RIMKLB: variants seen among roughly 807,000 people sequenced by gnomAD.
RIMKLB encodes beta-citrylglutamate synthase B.
A neutral mutation model predicts 32.0 loss-of-function variants in RIMKLB; 7 were observed. That is an observed-to-expected ratio of 0.22 (90% CI 0.12 to 0.41). The LOEUF (loss-of-function observed/expected upper bound fraction) is 0.41, where lower values mean the gene tolerates loss of function less well. Ranked by LOEUF, RIMKLB falls within the 10% of genes least tolerant of loss-of-function variation. The probability of loss-of-function intolerance (pLI) is 1.00; values close to 1 mark genes in which losing one functional copy is unlikely to be tolerated. For synonymous variants in RIMKLB, 172 were observed against 185.1 expected (o/e 0.93, Z 0.57); for missense variants, 289 against 498.7 (o/e 0.58, Z 4.00).
At chr12:8,721,758 T>TG (rs995348433) in intron 2 of RIMKLB, among the ~76,000 whole-genome samples, 4 of 152,318 alleles carry the variant, frequency 2.6e-5, no homozygotes, top group African/African-American at 9.6e-5. Flanking sequence ...TTTTGTTTTT[T>TG]TTTGAGATGG....
At chr12:8,770,018 CT>C (rs34492795) in intron 5 of RIMKLB, among the ~76,000 whole-genome samples, 86,642 of 150,768 alleles carry the variant, frequency 0.57, 25,069 homozygotes, top group African/African-American at 0.63. Flanking sequence ...GTTGCCCAGG[CT>C]TGGAGTGCAA....
In RIMKLB at chr12:8,757,271, C is replaced by A. The variant is rs1949120404; in HGVS notation, c.697+3178C>A. On this transcript the variant is annotated intron_variant, in intron 5 of 5. Coordinates refer to ENST00000535829, the MANE Select transcript of RIMKLB (RefSeq NM_001297776.2). ...GTGCTGTGGCTCAGTCCTGTAGTCC[C>A]CCACCCAACACTTTGGGATGCCGAG... Among the ~76,000 whole-genome samples the A allele has an allele frequency of 2.6e-5, 4 of 151,794 alleles. No individual in the cohort carries two copies. In the South Asian group the frequency reaches 8.3e-4, roughly 32 times the overall value.
intron 1 of RIMKLB, among the ~76,000 whole-genome samples, chr12:8,708,725 A>G (rs928213911): frequency 1.3e-5 from 2 of 152,222 alleles, no homozygotes; most frequent in Non-Finnish European, 2.9e-5. Context: ...TTAAGCAGTG[A>G]AACAAATGTC....
chr12:8,685,228 C>T (rs1324458954), intron 1 of RIMKLB, among the ~76,000 whole-genome samples: 1 of 152,188 alleles, frequency 6.6e-6, no homozygotes, highest in Non-Finnish European at 1.5e-5. Context: ...AGTGGGAAAG[C>T]TTCCAGTTTC....
chr12:8,758,269 C>G (rs1949229960), intron 5 of RIMKLB, among the ~76,000 whole-genome samples: 1 of 149,414 alleles, frequency 6.7e-6, no homozygotes, highest in South Asian at 2.1e-4. Flanking sequence ...GGCTCTTTTT[C>G]TTTTTTTCCT....
intron 2 of RIMKLB, among the ~76,000 whole-genome samples, chr12:8,744,316 C>T (rs1947874119): frequency 6.6e-6 from 1 of 151,900 alleles, no homozygotes; most frequent in Admixed American, 6.6e-5. Context: ...CTAATACCCC[C>T]ATAGTACACT....
rs778010986 is a variant in RIMKLB, at chr12:8,773,503, G to C, written c.880G>C (p.Asp294His). 6.2e-7 allele frequency: 1 copy of C among 1,614,148 alleles called. No individual in the cohort carries two copies. The highest frequency in any genetic ancestry group is 1.3e-5 in the African/African-American group (1 of 74,952). ...CGCCTTTGATAAGGCTTGTAATCTA[G>C]ATGTAGCTGGTATCATAGCAGACTA... ...FIAFDKACNL[D>H]VAGIIADYAA... Residue 294 changes from aspartate (D) to histidine (H), a missense_variant, in exon 6 of 6, where the codon GAT becomes CAT. By Grantham distance (81) the Asp-to-His change is moderately conservative (BLOSUM62 -1). This residue lies in a region of RIMKLB where 99 missense variants were observed against 133.9 expected (regional missense o/e 0.74). Transcript: ENST00000535829.
chr12:8,777,846 T>G (rs750353816), downstream of RIMKLB: 6 of 344,482 alleles, frequency 1.7e-5, no homozygotes, highest in East Asian at 8.2e-4. Flanking sequence ...TAGGCTAACT[T>G]TCTTTTTTTA....
At chr12:8,708,875 TA>T (rs1316429789) in intron 1 of RIMKLB, among the ~76,000 whole-genome samples, 1 of 152,198 alleles carries the variant, frequency 6.6e-6, no homozygotes, top group Admixed American at 6.5e-5. Flanking sequence ...CTCTCAAAAA[TA>T]AACTCTCTTT....
At chr12:8,684,179 T>TC (rs1942498640) in intron 1 of RIMKLB, among the ~76,000 whole-genome samples, 2 of 150,392 alleles carry the variant, frequency 1.3e-5, no homozygotes, top group Non-Finnish European at 2.9e-5. Context: ...CTAAATTTTC[T>TC]CTTTTTTTTT....
At chr12:8,669,887 C>T in the RIMKLB span, among the ~76,000 whole-genome samples, 2 of 151,462 alleles carry the variant, frequency 1.3e-5, no homozygotes, top group Non-Finnish European at 2.9e-5. Flanking sequence ...ATTAGCCGGG[C>T]GTGGTGGCGG....
chr12:8,727,123 T>G (rs910288106), intron 2 of RIMKLB, among the ~76,000 whole-genome samples: 6 of 152,248 alleles, frequency 3.9e-5, no homozygotes, highest in Admixed American at 6.5e-5. Flanking sequence ...TTCTTTTAAG[T>G]GTTATATGTA....
intron 1 of RIMKLB, among the ~76,000 whole-genome samples, chr12:8,709,711 G>A (rs751496612): frequency 1.3e-5 from 2 of 151,986 alleles, no homozygotes; most frequent in African/African-American, 4.8e-5. Flanking sequence ...TTTCAGTTAC[G>A]CCCTGACACA....
chr12:8,687,820 GAAAAAAAA>G (rs752174507), intron 1 of RIMKLB, among the ~76,000 whole-genome samples: 2 of 72,922 alleles, frequency 2.7e-5, no homozygotes, highest in East Asian at 1.2e-3. Flanking sequence ...AAGTCAGGAA[GAAAAAAAA>G]AAAAAAAAAA....
At chr12:8,742,204 C>T (rs1029639565) in intron 2 of RIMKLB, among the ~76,000 whole-genome samples, 2 of 151,760 alleles carry the variant, frequency 1.3e-5, no homozygotes, top group African/African-American at 4.9e-5. Context: ...GGCTGGAGAG[C>T]CTTTTAATAA....
upstream of RIMKLB, chr12:8,679,641 T>C (rs1206079896): frequency 6.6e-6 from 1 of 152,322 alleles, no homozygotes; most frequent in African/African-American, 2.4e-5. Flanking sequence ...GCACAGCAAA[T>C]CCTTGCCTTC....
intron 5 of RIMKLB, among the ~76,000 whole-genome samples, chr12:8,768,105 T>TGG (rs1950116737): frequency 6.6e-6 from 1 of 151,994 alleles, no homozygotes; most frequent in South Asian, 2.1e-4. Flanking sequence ...ATGTGGTGAG[T>TGG]GTTATAGCTC....
rs1433823692 is a variant in RIMKLB, at chr12:8,686,411, C to G, written n.219+4593C>G. On this transcript the variant is annotated intron_variant and non_coding_transcript_variant, in intron 1 of 1. Transcript: ENST00000538758. ...CAAGCAATTCTCCCACTTCCGCCTC[C>G]CCACCACAGACGCGTGACACCATGA... Among the ~76,000 whole-genome samples the G allele has an allele frequency of 2.0e-5, 3 of 152,050 alleles. No individual in the cohort carries two copies. The East Asian group carries it at 5.8e-4, about 29-fold the overall frequency.
At chr12:8,673,619 G>A in the RIMKLB span, among the ~76,000 whole-genome samples, 2 of 149,946 alleles carry the variant, frequency 1.3e-5, no homozygotes, top group Non-Finnish European at 3.0e-5. Context: ...TTTTTGAGAT[G>A]GAGTCTTGCT....
Sources: allele counts gnomAD v4.1 joint callset (sites outside exome capture counted in the v4.1 genomes callset), GRCh38; gene constraint gnomAD v4.1.1; regional missense constraint gnomAD v4.1.1; transcripts MANE v1.5; gene names NCBI Gene and HGNC (gene_info 2026-07-23, HGNC 2026-07-21).